The following GRM8 variants were observed in gnomAD, a reference collection of about 807,000 sequenced individuals.
GRM8 encodes the protein metabotropic glutamate receptor 8.
In GRM8, 47 loss-of-function variants were observed where a neutral mutation model predicts 87.2. That is an observed-to-expected ratio of 0.54 (90% confidence interval 0.43 to 0.69). The LOEUF (loss-of-function observed/expected upper bound fraction) is 0.69. Among genes scored for constraint, GRM8 ranks in the 30% least tolerant of loss-of-function variants. The pLI is 0.00. For missense variants in GRM8, 1,019 were observed against 1,139.2 expected, an observed-to-expected ratio of 0.89 and a Z score of 1.52; for synonymous variants, 396 against 404.5, an observed-to-expected ratio of 0.98 and a Z score of 0.25.
chr7:126,755,689 A>G (rs1816925995), intron 7 of GRM8, among the ~76,000 whole-genome samples: 1 of 151,912 alleles, frequency 6.6e-6, no homozygotes, highest in African/African-American at 2.4e-5. Flanking sequence ...GTAACCTTAT[A>G]CTGATGTTTT....
intron 3 of GRM8, among the ~76,000 whole-genome samples, chr7:127,104,608 G>A (rs545994062): frequency 2.0e-5 from 3 of 152,228 alleles, no homozygotes; most frequent in African/African-American, 7.2e-5. Context: ...CCAGATAAGT[G>A]AGAACTGAAA....
chr7:126,976,199 T>C (rs917590122), intron 3 of GRM8, among the ~76,000 whole-genome samples: 1 of 152,210 alleles, frequency 6.6e-6, no homozygotes, highest in Non-Finnish European at 1.5e-5. Context: ...TCCTGGTCCA[T>C]ATTGAATTCC....
chr7:126,727,064 A>G (rs1813070092), intron 7 of GRM8, among the ~76,000 whole-genome samples: 1 of 152,032 alleles, frequency 6.6e-6, no homozygotes, highest in Admixed American at 6.6e-5. Flanking sequence ...TTCTATACAT[A>G]CTTACGTGTA....
At chr7:126,529,048 A>G (rs773972444) in intron 9 of GRM8, among the ~76,000 whole-genome samples, 1 of 152,216 alleles carries the variant, frequency 6.6e-6, no homozygotes, top group Non-Finnish European at 1.5e-5. Flanking sequence ...TCTGGATGAA[A>G]CAAAGGACAA....
At chr7:127,129,549 C>T (rs1200668635) in intron 2 of GRM8, among the ~76,000 whole-genome samples, 3 of 152,108 alleles carry the variant, frequency 2.0e-5, no homozygotes, top group African/African-American at 7.2e-5. Context: ...CATTTTTCAT[C>T]CTCATCTAGA....
intron 7 of GRM8, among the ~76,000 whole-genome samples, chr7:126,624,000 G>A (rs190904634): frequency 8.5e-5 from 13 of 152,110 alleles, no homozygotes; most frequent in East Asian, 3.9e-4. Context: ...TCTTCAGAAC[G>A]TATCTAGAAT....
At chr7:126,759,610 C>A (rs1403252686) in intron 7 of GRM8, among the ~76,000 whole-genome samples, 3 of 152,124 alleles carry the variant, frequency 2.0e-5, no homozygotes, top group Non-Finnish European at 4.4e-5. Context: ...GTGGCAGAAG[C>A]ATCCTTTCCA....
chr7:127,132,938 T>G (rs1264368580), intron 2 of GRM8, among the ~76,000 whole-genome samples: 1 of 152,154 alleles, frequency 6.6e-6, no homozygotes, highest in African/African-American at 2.4e-5. Flanking sequence ...TTCAAGAATT[T>G]AATTAGTCCC....
chr7:126,574,701 C>G (rs569898441), intron 8 of GRM8, among the ~76,000 whole-genome samples: 2 of 152,242 alleles, frequency 1.3e-5, no homozygotes, highest in African/African-American at 4.8e-5. Flanking sequence ...AACTAACATT[C>G]CACTTCTTTT....
chr7:126,911,732 C>T (rs980363302), intron 3 of GRM8, among the ~76,000 whole-genome samples: 5 of 152,178 alleles, frequency 3.3e-5, no homozygotes, highest in Admixed American at 6.5e-5. Flanking sequence ...GCTGCTGACA[C>T]CACAAGAAGT....
At chr7:126,463,880 A>C (rs1319365496) in intron 9 of GRM8, among the ~76,000 whole-genome samples, 1 of 151,714 alleles carries the variant, frequency 6.6e-6, no homozygotes, top group Non-Finnish European at 1.5e-5. Flanking sequence ...TGAATATCTA[A>C]GAAAAAAAAT....
chr7:127,186,444 G>A (rs1466073437), intron 2 of GRM8, among the ~76,000 whole-genome samples: 3 of 152,178 alleles, frequency 2.0e-5, no homozygotes, highest in Non-Finnish European at 4.4e-5. Flanking sequence ...CAGGAGAGCA[G>A]AAGGCAGGAA....
At position 126,729,474 on chromosome 7, in the gene GRM8, A is replaced by G. The variant is rs543359581; in HGVS notation, c.1357+40391T>C. ...GAAGTCTGCAGCCAAACTAAGACCC[A>G]GTTGCCCATATCCTATATGCCGTGT... is the stretch of plus-strand genomic sequence containing the variant. On this transcript the variant is annotated intron_variant, in intron 7 of 10. Coordinates refer to ENST00000339582, the MANE Select transcript of GRM8 (RefSeq NM_000845.3). 3.0e-4 allele frequency among the ~76,000 whole-genome samples: 46 copies of G among 152,298 alleles called. 1 individual carries two copies. The South Asian group carries it at 9.5e-3, about 32-fold the overall frequency.
intron 7 of GRM8, among the ~76,000 whole-genome samples, chr7:126,620,500 T>C (rs746728679): frequency 6.6e-6 from 1 of 152,156 alleles, no homozygotes; most frequent in Admixed American, 6.6e-5. Flanking sequence ...AATGATATAT[T>C]CAATGAAGGT....
chr7:126,670,000 T>C (rs1342650733), intron 7 of GRM8, among the ~76,000 whole-genome samples: 1 of 152,210 alleles, frequency 6.6e-6, no homozygotes. Flanking sequence ...ATGGTTTTTC[T>C]GTAAATTGAA....
intron 3 of GRM8, among the ~76,000 whole-genome samples, chr7:126,914,078 G>A (rs568958298): frequency 6.6e-6 from 1 of 152,104 alleles, no homozygotes; most frequent in Non-Finnish European, 1.5e-5. Flanking sequence ...CATGCATAGG[G>A]AAATAAAGAC....
intron 9 of GRM8, among the ~76,000 whole-genome samples, chr7:126,466,494 G>A (rs1441972628): frequency 6.6e-6 from 1 of 151,898 alleles, no homozygotes; most frequent in East Asian, 1.9e-4. Context: ...ATTGATATAT[G>A]TATATATTAT....
chr7:126,571,944 G>A (rs1016397789), intron 8 of GRM8, among the ~76,000 whole-genome samples: 1 of 151,892 alleles, frequency 6.6e-6, no homozygotes, highest in Non-Finnish European at 1.5e-5. Context: ...GTTTCACCAT[G>A]TTGGGCCAGG....
At chr7:126,978,568 G>A (rs1021416985) in intron 3 of GRM8, among the ~76,000 whole-genome samples, 2 of 152,180 alleles carry the variant, frequency 1.3e-5, no homozygotes, top group African/African-American at 2.4e-5. Flanking sequence ...AGTCCTCTAA[G>A]GACAGAATGG....
Sources: gnomAD v4.1 joint callset for allele counts (sites outside exome capture counted in the v4.1 genomes callset) on GRCh38, gnomAD v4.1.1 for gene constraint, MANE v1.5 for transcripts, NCBI Gene and HGNC (gene_info 2026-07-23, HGNC 2026-07-21) for gene names.